The following RNF6 variants were observed in gnomAD, a reference collection of about 807,000 sequenced individuals.
The protein encoded by RNF6 is E3 ubiquitin-protein ligase RNF6.
A neutral mutation model predicts 50.1 loss-of-function variants in RNF6; 21 were observed. That is an observed-to-expected ratio of 0.42 (90% CI 0.30 to 0.60). The LOEUF is 0.60. Among genes scored for constraint, RNF6 ranks in the 20% least tolerant of loss-of-function variants. The pLI is 0.20. For missense variants in RNF6, 698 were observed against 838.2 expected, an observed-to-expected ratio of 0.83 and a Z score of 2.07; for synonymous variants, 255 against 291.8, an observed-to-expected ratio of 0.87 and a Z score of 1.29.
At chr13:26,208,312 T>A (rs1026260098), downstream of RNF6, among the ~76,000 whole-genome samples, 1 of 152,220 alleles carries the variant, frequency 6.6e-6, no homozygotes, top group East Asian at 1.9e-4. Context: ...TGGTATGTGC[T>A]AGGCAGAGGG....
At chr13:26,155,812 C>T (rs543688938) in intron 5 of RNF6, among the ~76,000 whole-genome samples, 3 of 152,290 alleles carry the variant, frequency 2.0e-5, no homozygotes, top group South Asian at 4.1e-4. Context: ...GCTGCCCAGC[C>T]GTAGGCACCT....
chr13:26,180,672 C>T (rs1010424686), intron 5 of RNF6, among the ~76,000 whole-genome samples: 9 of 152,348 alleles, frequency 5.9e-5, no homozygotes, highest in East Asian at 1.9e-4. Context: ...AGACAACCCA[C>T]ATTTAAGGTG....
intron 5 of RNF6, among the ~76,000 whole-genome samples, chr13:26,157,882 A>AGATGGATG (rs61591240): frequency 0.02 from 2,945 of 149,282 alleles, 94 homozygotes; most frequent in African/African-American, 0.057. Context: ...AGAGAAAAAG[A>AGATGGATG]GATGGATGGA....
chr13:26,205,440 T>C (rs1224694712), intron 5 of RNF6, among the ~76,000 whole-genome samples: 6 of 152,204 alleles, frequency 3.9e-5, no homozygotes, highest in Admixed American at 2.0e-4. Flanking sequence ...TCATTGTTTC[T>C]CAATAGGACT....
intron 5 of RNF6, among the ~76,000 whole-genome samples, chr13:26,191,309 T>C (rs1015815909): frequency 1.3e-5 from 2 of 152,178 alleles, no homozygotes; most frequent in Admixed American, 6.6e-5. Context: ...CAAATAGTTA[T>C]TAAGCCACTA....
upstream of RNF6, among the ~76,000 whole-genome samples, chr13:26,223,007 A>G (rs1325326483): frequency 6.6e-6 from 1 of 152,166 alleles, no homozygotes; most frequent in Non-Finnish European, 1.5e-5. Context: ...GAGGCTTACT[A>G]AACTTACCTC....
At chr13:26,140,802 T>C (rs1019241525) in intron 5 of RNF6, among the ~76,000 whole-genome samples, 5 of 152,158 alleles carry the variant, frequency 3.3e-5, no homozygotes, top group Non-Finnish European at 7.3e-5. Flanking sequence ...ACAAAATCAG[T>C]GTATGAAAAT....
intron 5 of RNF6, among the ~76,000 whole-genome samples, chr13:26,147,454 G>A (rs1481268060): frequency 6.6e-6 from 1 of 152,212 alleles, no homozygotes; most frequent in Non-Finnish European, 1.5e-5. Flanking sequence ...ACTGTGTGTG[G>A]AGGAGCTGAT....
chr13:26,171,945 T>C lies in RNF6; in HGVS notation n.769-39494A>G, dbSNP rs1872713831. 2.0e-5 allele frequency among the ~76,000 whole-genome samples: 3 copies of C among 152,164 alleles called. No individual in the cohort carries two copies. The South Asian group carries it at 6.2e-4, about 32-fold the overall frequency. On this transcript the variant is annotated intron_variant and non_coding_transcript_variant, in intron 5 of 5. Coordinates refer to the RNF6 transcript ENST00000468480. Reference sequence around the variant, plus strand: ...GTTACTGTTTAATGGGTGCAAAGTTTCTGTTTGGGATGATGAAATGGTTTT... The same window carrying C: ...GTTACTGTTTAATGGGTGCAAAGTTCCTGTTTGGGATGATGAAATGGTTTT...
intron 2 of RNF6, among the ~76,000 whole-genome samples, chr13:26,220,256 T>C (rs1870341900): frequency 6.6e-6 from 1 of 152,164 alleles, no homozygotes; most frequent in African/African-American, 2.4e-5. Context: ...CAGGAAGACT[T>C]TGAAACCCAA....
At chr13:26,171,906 G>A (rs967001320) in intron 5 of RNF6, among the ~76,000 whole-genome samples, 10 of 152,182 alleles carry the variant, frequency 6.6e-5, no homozygotes, top group African/African-American at 2.4e-4. Flanking sequence ...GCTAGGGGAA[G>A]GGGGTAAAGA....
chr13:26,141,670 T>C (rs7331202), intron 5 of RNF6, among the ~76,000 whole-genome samples: 26,629 of 151,958 alleles, frequency 0.18, 2,418 homozygotes, highest in Admixed American at 0.22. Flanking sequence ...GGAAAACTGG[T>C]TAACCATATG....
chr13:26,203,746 G>A (rs1484810841), intron 5 of RNF6, among the ~76,000 whole-genome samples: 1 of 152,218 alleles, frequency 6.6e-6, no homozygotes, highest in Non-Finnish European at 1.5e-5. Context: ...CAGATCACGA[G>A]CTCAGGAGAT....
chr13:26,162,793 A>G (rs895490544), intron 5 of RNF6, among the ~76,000 whole-genome samples: 2 of 152,270 alleles, frequency 1.3e-5, no homozygotes, highest in Non-Finnish European at 2.9e-5. Context: ...TACTTTTAGA[A>G]TGAAGAGCTA....
At chr13:26,184,941 G>A (rs1247755340) in intron 5 of RNF6, among the ~76,000 whole-genome samples, 1 of 152,074 alleles carries the variant, frequency 6.6e-6, no homozygotes, top group East Asian at 1.9e-4. Context: ...GCTCCAAAGT[G>A]CGCTGCAGGA....
At chr13:26,156,355 A>G (rs1038938939) in intron 5 of RNF6, among the ~76,000 whole-genome samples, 1 of 152,210 alleles carries the variant, frequency 6.6e-6, no homozygotes, top group Non-Finnish European at 1.5e-5. Flanking sequence ...CAGTTAATAC[A>G]TTGCTTACAT....
In RNF6 at chr13:26,178,591, CGTGTGTGTGTGT is replaced by C. The variant is rs3981342; in HGVS notation, n.768+36871_768+36882del. Among the ~76,000 whole-genome samples the C allele has an allele frequency of 6.6e-3, 658 of 100,332 alleles. 1 individual carries two copies. The highest frequency in any genetic ancestry group is 0.024 in the South Asian group (56 of 2,296). 65.8% of individuals were successfully genotyped at this position (100,332 alleles called of 152,430 possible). A position where few individuals can be genotyped will look rare whatever the true frequency, so the allele number is the denominator to read the frequency against. On this transcript the variant is annotated intron_variant and non_coding_transcript_variant, in intron 5 of 5. Coordinates refer to the RNF6 transcript ENST00000468480. ...TGGCGGACCAGGTGTCTGCCTGGTC[CGTGTGTGTGTGT>C]GTGTGTGTGTGTGTGTGTGTGTGTG... is the stretch of plus-strand genomic sequence containing the variant.
At chr13:26,191,475 T>G (rs888507067) in intron 5 of RNF6, among the ~76,000 whole-genome samples, 2 of 152,178 alleles carry the variant, frequency 1.3e-5, no homozygotes, top group Non-Finnish European at 2.9e-5. Context: ...TCATCTCAAA[T>G]TGTAATCCCC....
chr13:26,150,171 C>T (rs1871516907), intron 5 of RNF6, among the ~76,000 whole-genome samples: 1 of 151,192 alleles, frequency 6.6e-6, no homozygotes, highest in Non-Finnish European at 1.5e-5. Context: ...TGTGTTTAAC[C>T]ATATTTTGTT....
Sources: gnomAD v4.1 joint callset for allele counts (sites outside exome capture counted in the v4.1 genomes callset) on GRCh38, gnomAD v4.1.1 for gene constraint, MANE v1.5 for transcripts, NCBI Gene and HGNC (gene_info 2026-07-23, HGNC 2026-07-21) for gene names.